ZNF875: variants seen among roughly 807,000 people sequenced by gnomAD.
The protein encoded by ZNF875 is HKR1, GLI-Kruppel zinc finger family member.
In ZNF875, 14 loss-of-function variants were observed where a neutral mutation model predicts 11.2. The observed-to-expected ratio is 1.26, with a 90% CI of 0.83 to 1.96. The LOEUF (loss-of-function observed/expected upper bound fraction) is 1.96. Among genes scored for constraint, ZNF875 ranks in the 30% most tolerant of loss-of-function variants. ZNF875 has a pLI of 0.00. For missense variants in ZNF875, 752 were observed against 760.4 expected (o/e 0.99, Z 0.13); for synonymous variants, 301 against 281.1 (o/e 1.07, Z -0.71).
intron 4 of ZNF875, chr19:37,359,409 CTT>C (rs71177443): frequency 6.2e-3 from 1,169 of 187,618 alleles, no homozygotes; most frequent in South Asian, 0.016. Context: ...ATAGTCTTTT[CTT>C]TTTTTTTTTT....
chr19:37,317,673 G>C (rs918865992), upstream of ZNF875, among the ~76,000 whole-genome samples: 1 of 152,254 alleles, frequency 6.6e-6, no homozygotes, highest in Non-Finnish European at 1.5e-5. Flanking sequence ...AAATGCGCAA[G>C]AAAGTTTTTG....
intron 1 of ZNF875, 52 bp downstream of exon 1, chr19:37,334,834 G>C (rs1001340296): frequency 6.5e-6 from 3 of 459,282 alleles, no homozygotes; most frequent in Non-Finnish European, 8.7e-6. Context: ...CCTGTGTTAC[G>C]GGGACGCCGG....
Position 37,362,220 on chromosome 19 carries a change from T to A in ZNF875, c.368T>A (p.Leu123Ter). Residue 123 changes from leucine to a stop codon, truncating the protein, a stop_gained, in exon 5 of 5, where the codon TTA (leucine) becomes TAA (stop). Coordinates refer to ENST00000392153, the MANE Select transcript of ZNF875 (RefSeq NM_001353803.2). LOFTEE classifies it low-confidence loss of function (END_TRUNC). ...LSHLSQLFSS[L>*]WAGNPLHLGK... is the part of the protein sequence containing the mutation. ...CATCTCTCTCAGCTGTTTTCAAGTT[T>A]ATGGGCAGGAAATCCTCTCCACCTG... 6.2e-7 allele frequency: 1 copy of A among 1,614,128 alleles called. No individual in the cohort carries two copies. Among genetic ancestry groups the A allele is most frequent in the Non-Finnish European group, 8.5e-7 (1 of 1,180,002 alleles).
At chr19:37,357,938 T>A (rs117812779) in intron 4 of ZNF875, 4,987 of 398,416 alleles carry the variant, frequency 0.013, 53 homozygotes, top group Middle Eastern at 0.036. Context: ...AGAGCAGACA[T>A]CCTTTTCTTG....
rs566477494 is a variant in ZNF875, at chr19:37,355,231, C to G, written c.257-6878C>G. 1.5e-3 allele frequency among the ~76,000 whole-genome samples: 228 copies of G among 152,180 alleles called. 1 individual carries two copies. The highest frequency in any genetic ancestry group is 2.4e-3 in the Non-Finnish European group (164 of 68,006). ...TTGAGACAGAGTCTCGCTCTGTCAC[C>G]CAGGCTGGAGTGCAGTGGCACGATC... On this transcript the variant is annotated intron_variant, in intron 4 of 4. Transcript: ENST00000392153.
At chr19:37,326,793 G>C (rs1012897972) in intron 4 of ZNF875, among the ~76,000 whole-genome samples, 1 of 141,292 alleles carries the variant, frequency 7.1e-6, no homozygotes, top group African/African-American at 2.6e-5. Context: ...TCAGCCTCCC[G>C]AGTACCCGGG....
intron 3 of ZNF875, 40 bp from the exon 4 acceptor site, chr19:37,347,737 C>T (rs772648218): frequency 1.8e-5 from 23 of 1,296,050 alleles, no homozygotes; most frequent in Non-Finnish European, 2.6e-5. Context: ...CCTCTTGAGC[C>T]CATAACCAAC....
At position 37,347,195 on chromosome 19, in the gene ZNF875, C is replaced by A. The variant is rs749094008; in HGVS notation, c.39C>A (p.Phe13Leu). 1.9e-6 allele frequency: 3 copies of A among 1,613,952 alleles called. No individual in the cohort carries two copies. In the Admixed American group the frequency reaches 5.0e-5, roughly 27 times the overall value. The change falls in exon 3 of 5, where the codon TTC becomes TTA. Residue 13 changes from phenylalanine to leucine, a missense_variant. Phe to Leu is a conservative substitution (Grantham distance 22, BLOSUM62 0). Coordinates refer to ENST00000392153, the MANE Select transcript of ZNF875 (RefSeq NM_001353803.2). The part of the protein sequence containing the change: ...TGLLRAKKEA[F>L]VAFRDVAVYF... Reference sequence around the variant, plus strand: ...AGGTGTGTTTTGTGTTAAAGGCGTTCGTGGCATTCAGGGATGTGGCTGTGT... The same window carrying A: ...AGGTGTGTTTTGTGTTAAAGGCGTTAGTGGCATTCAGGGATGTGGCTGTGT...
At chr19:37,319,344 C>CATATAT (rs146774743) in intron 1 of ZNF875, among the ~76,000 whole-genome samples, 1,465 of 112,280 alleles carry the variant, frequency 0.013, 44 homozygotes, top group South Asian at 0.033. Flanking sequence ...CTGCAGCCGG[C>CATATAT]ATATATATAT....
chr19:37,325,608 C>T (rs2032299202), intron 4 of ZNF875, among the ~76,000 whole-genome samples: 2 of 151,312 alleles, frequency 1.3e-5, no homozygotes, highest in Admixed American at 6.6e-5. Context: ...TGCAGTGGCA[C>T]CAGCATAGCT....
chr19:37,353,603 C>G (rs1490586515), intron 4 of ZNF875, among the ~76,000 whole-genome samples: 6 of 152,176 alleles, frequency 3.9e-5, no homozygotes, highest in African/African-American at 1.4e-4. Context: ...GTACAGTTAC[C>G]TGGCATTGGA....
intron 4 of ZNF875, among the ~76,000 whole-genome samples, chr19:37,327,589 A>C (rs1434514142): frequency 6.7e-6 from 1 of 148,376 alleles, no homozygotes; most frequent in South Asian, 2.2e-4. Context: ...CCAACATGGC[A>C]AAACCCCGTC....
At chr19:37,360,459 A>G (rs1392922330) in intron 4 of ZNF875, among the ~76,000 whole-genome samples, 1 of 152,160 alleles carries the variant, frequency 6.6e-6, no homozygotes, top group Non-Finnish European at 1.5e-5. Context: ...TCCAAAAGGG[A>G]AAAAAACCAA....
chr19:37,362,943 A>C lies in ZNF875; in HGVS notation c.1091A>C (p.Lys364Thr), dbSNP rs2040210861. 1 of 1,614,052 alleles carries C rather than the reference A, an allele frequency of 6.2e-7. No individual in the cohort carries two copies. Among genetic ancestry groups the C allele is most frequent in the South Asian group, 1.1e-5 (1 of 91,082 alleles). ...ITHQRAHTGE[K>T]PYVCRECGRG... ...CACCAGAGGGCGCACACTGGGGAGAAGCCTTATGTTTGCAGGGAATGTGGG... is the reference window on the plus strand; with the variant it reads ...CACCAGAGGGCGCACACTGGGGAGACGCCTTATGTTTGCAGGGAATGTGGG... Residue 364 changes from lysine (K) to threonine (T), a missense_variant, in exon 5 of 5, where the codon AAG becomes ACG. Physicochemically the swap from Lys to Thr is moderately conservative, Grantham distance 78. Transcript: ENST00000392153.
intron 4 of ZNF875, among the ~76,000 whole-genome samples, chr19:37,348,624 A>G (rs528934585): frequency 5.7e-4 from 87 of 152,302 alleles, no homozygotes; most frequent in African/African-American, 2.1e-3. Context: ...TTTTGTGGCT[A>G]TATAATATTG....
chr19:37,362,426 G>A lies in ZNF875; in HGVS notation c.574G>A (p.Asp192Asn). ...ACAACAGCCAGCACAGTCCAAGGAAGACAACACAGTGGTGGATATAGGGTC... is the reference window on the plus strand; with the variant it reads ...ACAACAGCCAGCACAGTCCAAGGAAAACAACACAGTGGTGGATATAGGGTC... The part of the protein sequence containing the change: ...EEQQPAQSKE[D>N]NTVVDIGSSP... The change falls in exon 5 of 5, where the codon GAC becomes AAC. Residue 192 changes from aspartate to asparagine, a missense_variant. Asp to Asn is a conservative substitution (Grantham distance 23). Transcript: ENST00000392153. The A allele has an allele frequency of 6.2e-7, 1 of 1,614,172 alleles. No homozygotes were observed.
chr19:37,343,019 G>A (rs1211475859), intron 2 of ZNF875, among the ~76,000 whole-genome samples: 2 of 152,130 alleles, frequency 1.3e-5, no homozygotes, highest in African/African-American at 4.8e-5. Flanking sequence ...CTTCACTTCT[G>A]TGTACCAACT....
At chr19:37,348,993 AG>A (rs2037351172) in intron 4 of ZNF875, among the ~76,000 whole-genome samples, 1 of 152,192 alleles carries the variant, frequency 6.6e-6, no homozygotes, top group Admixed American at 6.5e-5. Flanking sequence ...AGGTGTTGGT[AG>A]GGTTGGTTCC....
At chr19:37,321,374 A>C in intron 1 of ZNF875, among the ~76,000 whole-genome samples, 1 of 152,172 alleles carries the variant, frequency 6.6e-6, no homozygotes, top group East Asian at 1.9e-4. Flanking sequence ...ACATCAAAGC[A>C]CAGCACCTTT....
Sources: gnomAD v4.1 joint callset for allele counts (sites outside exome capture counted in the v4.1 genomes callset) on GRCh38, gnomAD v4.1.1 for gene constraint, MANE v1.5 for transcripts, NCBI Gene and HGNC (gene_info 2026-07-23, HGNC 2026-07-21) for gene names.